Variants in SNAPC3 observed in about 807,000 individuals in gnomAD.
SNAPC3 encodes the protein small nuclear RNA activating complex polypeptide 3.
In SNAPC3, 56 loss-of-function variants were observed where a neutral mutation model predicts 47.7. That is an observed-to-expected ratio of 1.18 (90% CI 0.95 to 1.47). The LOEUF is 1.47. Among genes scored for constraint, SNAPC3 ranks in the 40% most tolerant of loss-of-function variants. SNAPC3 has a pLI of 0.00. For synonymous variants in SNAPC3, 235 were observed against 189.9 expected, an observed-to-expected ratio of 1.24 and a Z score of -1.95; for missense variants, 665 against 511.3, an observed-to-expected ratio of 1.30 and a Z score of -2.90.
In SNAPC3 at chr9:15,458,008, T is replaced by C; in HGVS notation, c.1029T>C (p.Leu343=). The C allele has an allele frequency of 1.9e-6, 3 of 1,599,156 alleles. No individual in the cohort carries two copies. Among genetic ancestry groups the C allele is most frequent in the Non-Finnish European group, 2.6e-6 (3 of 1,175,084 alleles). ...TGGATAGGACATTGTATCCCCTCCT[T>C]ATCAAGAAGCATTGGCTATGGACCA... The part of the protein sequence containing the change: ...DCLDRTLYPL[L]IKKHWLWTRK... The change falls in exon 8 of 9, where the codon CTT becomes CTC. Residue 343 remains leucine (L), a synonymous_variant. Transcript: ENST00000380821.
intron 2 of SNAPC3, among the ~76,000 whole-genome samples, chr9:15,424,241 A>G (rs1164316156): frequency 6.6e-6 from 1 of 152,240 alleles, no homozygotes; most frequent in East Asian, 1.9e-4. Flanking sequence ...TAGCTTCTAA[A>G]AGTATCATTC....
chr9:15,433,287 A>T (rs2032394149), intron 2 of SNAPC3, among the ~76,000 whole-genome samples: 1 of 151,432 alleles, frequency 6.6e-6, no homozygotes, highest in Non-Finnish European at 1.5e-5. Flanking sequence ...AAAAAAAACG[A>T]GTAAATTAAA....
At position 15,461,469 on chromosome 9, in the gene SNAPC3, C is replaced by T. The variant is rs1474536758; in HGVS notation, c.*1603C>T. The T allele has an allele frequency of 6.6e-6, 1 of 152,156 alleles. No individual in the cohort carries two copies. Among genetic ancestry groups the T allele is most frequent in the African/African-American group, 2.4e-5 (1 of 41,444 alleles). The allele number at this position is 152,156 out of a possible 1,614,324, so 9.4% of individuals were successfully genotyped here. On this transcript the variant is annotated 3_prime_UTR_variant, in exon 9 of 9. Transcript: ENST00000380821. ...GAACCACAGCGCCCAGCAAAATAAA[C>T]TTTCTTTATTTTCAGGTCTAGACCA...
intron 5 of SNAPC3, among the ~76,000 whole-genome samples, chr9:15,450,884 T>C (rs1453166980): frequency 6.6e-6 from 1 of 152,134 alleles, no homozygotes; most frequent in Non-Finnish European, 1.5e-5. Flanking sequence ...TGAGTAAAAA[T>C]AGAAATTCAG....
chr9:15,460,873 T>C lies in SNAPC3; in HGVS notation c.*1007T>C, dbSNP rs1347770281. On this transcript the variant is annotated 3_prime_UTR_variant, in exon 9 of 9. Transcript: ENST00000380821. ...AAGCTTTATTTCTTGACAAAAGCTT[T>C]ATGAATGTTATGAGTTTAAAATATG... The C allele has an allele frequency of 6.6e-6, 1 of 152,208 alleles. No homozygotes were observed. Among genetic ancestry groups the C allele is most frequent in the African/African-American group, 2.4e-5 (1 of 41,452 alleles). 9.4% of individuals were successfully genotyped at this position (152,208 alleles called of 1,614,324 possible).
intron 2 of SNAPC3, among the ~76,000 whole-genome samples, chr9:15,425,555 G>C (rs1348658268): frequency 1.3e-5 from 2 of 152,104 alleles, no homozygotes; most frequent in South Asian, 4.1e-4. Flanking sequence ...TTCCTTTCCA[G>C]ATTACCACAA....
intron 2 of SNAPC3, among the ~76,000 whole-genome samples, chr9:15,426,457 G>C (rs1454283358): frequency 2.0e-5 from 3 of 152,060 alleles, no homozygotes; most frequent in African/African-American, 7.2e-5. Flanking sequence ...AGTTCCTTAA[G>C]TTACATCTGC....
chr9:15,449,328 G>A (rs2034185258), intron 5 of SNAPC3, among the ~76,000 whole-genome samples: 1 of 151,898 alleles, frequency 6.6e-6, no homozygotes, highest in Admixed American at 6.6e-5. Flanking sequence ...ATGTTTGTCT[G>A]TCTGTTTTTT....
intron 2 of SNAPC3, among the ~76,000 whole-genome samples, chr9:15,425,629 C>T (rs2031274177): frequency 6.6e-6 from 1 of 152,200 alleles, no homozygotes; most frequent in Non-Finnish European, 1.5e-5. Flanking sequence ...TTTCTAAAGT[C>T]CTTGAAGGCT....
At chr9:15,446,253 A>G (rs1024898660) in intron 4 of SNAPC3, among the ~76,000 whole-genome samples, 1 of 152,164 alleles carries the variant, frequency 6.6e-6, no homozygotes, top group Non-Finnish European at 1.5e-5. Flanking sequence ...GCCTTGCTCC[A>G]TTGCCTAGGT....
At chr9:15,432,760 A>C (rs1217869416) in intron 2 of SNAPC3, among the ~76,000 whole-genome samples, 3 of 152,220 alleles carry the variant, frequency 2.0e-5, no homozygotes, top group African/African-American at 7.2e-5. Flanking sequence ...TAGAAGATCC[A>C]ATGAATAAAT....
rs57744583 is a variant in SNAPC3 at position 15,435,844 on chromosome 9, C to CTTTTT, written c.477+2220_477+2224dup. ...GTTGTCTTTTTACTTACTTTTCTTT[C>CTTTTT]TTTTTTTTTTTTTTTTGAGACAGAG... is the stretch of plus-strand genomic sequence containing the variant. On this transcript the variant is annotated intron_variant, in intron 3 of 8. Transcript: ENST00000380821. Among the ~76,000 whole-genome samples the CTTTTT allele has an allele frequency of 1.1e-3, 142 of 123,806 alleles. 3 individuals carry two copies. Among genetic ancestry groups the CTTTTT allele is most frequent in the East Asian group, 1.9e-3 (8 of 4,286 alleles). The allele number at this position is 123,806 out of a possible 152,430, so 81.2% of individuals were successfully genotyped here. A position where few individuals can be genotyped will look rare whatever the true frequency, so the allele number is the denominator to read the frequency against.
chr9:15,439,601 C>G (rs1398849420), intron 3 of SNAPC3, among the ~76,000 whole-genome samples: 2 of 152,154 alleles, frequency 1.3e-5, no homozygotes, highest in Non-Finnish European at 1.5e-5. Flanking sequence ...GTGGCCCGAT[C>G]TCGGCTCACT....
chr9:15,444,489 A>G, intron 3 of SNAPC3, 113 bp from the exon 4 acceptor site: 1 of 636,940 alleles, frequency 1.6e-6, no homozygotes. Context: ...GAGTATAATT[A>G]GGTGTCAAAC....
Position 15,458,022 on chromosome 9 carries a change from G to A in SNAPC3, c.1043G>A (p.Trp348Ter). The change falls in exon 8 of 9, where the codon TGG becomes TAG. Residue 348 changes from tryptophan to a stop codon, truncating the protein, a stop_gained. Transcript: ENST00000380821. LOFTEE classifies it high-confidence loss of function. ...TATCCCCTCCTTATCAAGAAGCATT[G>A]GCTATGGACCAGAAAATGTTTTGTT... ...TLYPLLIKKH[W>*]LWTRKCFVCK... is the part of the protein sequence containing the mutation. 6.3e-7 allele frequency: 1 copy of A among 1,594,168 alleles called. No individual in the cohort carries two copies. The highest frequency in any genetic ancestry group is 8.5e-7 in the Non-Finnish European group (1 of 1,173,108).
chr9:15,432,000 A>C (rs902622052), intron 2 of SNAPC3: 1 of 151,526 alleles, frequency 6.6e-6, no homozygotes, highest in African/African-American at 2.4e-5. Context: ...AATGCTACCA[A>C]AAGCGTATCT....
Position 15,433,599 on chromosome 9 carries a change from A to C in SNAPC3, c.440A>C (p.Asp147Ala). The C allele has an allele frequency of 6.2e-7, 1 of 1,610,360 alleles. No individual in the cohort carries two copies. The highest frequency in any genetic ancestry group is 1.1e-5 in the South Asian group (1 of 90,862). The change falls in exon 3 of 9, where the codon GAT becomes GCT. Residue 147 changes from aspartate (D) to alanine (A), a missense_variant. Transcript: ENST00000380821. ...CATCGGGAAGAAACCATTACAATAG[A>C]TCGAGCCTGCAGACAAGAAACATTC... ...LEHREETITI[D>A]RACRQETFVY...
rs571170364 is a variant in SNAPC3, at chr9:15,423,158, C to T, written c.279C>T (p.Ser93=). ...DAAVARDLDC[S]LEAAAELRAV... Reference sequence around the variant, plus strand: ...CGGTGGCCAGGGATCTGGACTGCAGCCTGGAGGCGGCGGCTGAGCTGAGGG... The same window carrying T: ...CGGTGGCCAGGGATCTGGACTGCAGTCTGGAGGCGGCGGCTGAGCTGAGGG... The change falls in exon 1 of 9, where the codon AGC becomes AGT. Residue 93 remains serine, a synonymous_variant. Coordinates refer to ENST00000380821, the MANE Select transcript of SNAPC3 (RefSeq NM_001039697.2). 67 of 1,572,940 alleles carry T rather than the reference C, an allele frequency of 4.3e-5. No homozygotes were observed. In the South Asian group the frequency reaches 6.6e-4, roughly 15 times the overall value.
At chr9:15,447,282 C>G (rs374229317) in intron 5 of SNAPC3, 38 bp downstream of exon 5, 29 of 1,595,068 alleles carry the variant, frequency 1.8e-5, no homozygotes, top group Non-Finnish European at 2.4e-5. Context: ...AAGGAAATAA[C>G]AAGCTAAGAA....
Sources: gnomAD v4.1 joint callset for allele counts (sites outside exome capture counted in the v4.1 genomes callset) on GRCh38, gnomAD v4.1.1 for gene constraint, MANE v1.5 for transcripts, NCBI Gene and HGNC (gene_info 2026-07-23, HGNC 2026-07-21) for gene names.